ABI2: variants seen among roughly 807,000 people sequenced by gnomAD.
The protein encoded by ABI2 is abelson interactor 2.
In ABI2, 25 loss-of-function variants were observed where a neutral mutation model predicts 59.2. The ratio of observed to expected loss-of-function variants is 0.42; its 90% confidence interval spans 0.31 to 0.59. The LOEUF (loss-of-function observed/expected upper bound fraction) is 0.59, where lower values mean the gene tolerates loss of function less well. Among genes scored for constraint, ABI2 ranks in the 20% least tolerant of loss-of-function variants. The probability of loss-of-function intolerance (pLI) is 0.14; values close to 1 mark genes in which losing one functional copy is unlikely to be tolerated. For synonymous variants in ABI2, 213 were observed against 235.5 expected (o/e 0.90, Z 0.87); for missense variants, 545 against 681.8 (o/e 0.80, Z 2.23).
chr2:203,329,573 T>A (rs1275920564), intron 1 of ABI2, among the ~76,000 whole-genome samples: 4 of 152,012 alleles, frequency 2.6e-5, no homozygotes, highest in South Asian at 2.1e-4. Context: ...CTTTTTTTTT[T>A]ATGGTTATTT....
intron 1 of ABI2, among the ~76,000 whole-genome samples, chr2:203,345,660 C>T (rs2082948045): frequency 6.6e-6 from 1 of 151,880 alleles, no homozygotes. Context: ...CCACCCACCT[C>T]GGCCTCCCAG....
At chr2:203,421,964 C>CAAAAAAA (rs35435663) in intron 11 of ABI2, among the ~76,000 whole-genome samples, 5 of 102,608 alleles carry the variant, frequency 4.9e-5, no homozygotes, top group African/African-American at 1.6e-4. Flanking sequence ...GACTCTGTCT[C>CAAAAAAA]AAAAAAAAAA....
intron 4 of ABI2, among the ~76,000 whole-genome samples, chr2:203,384,295 T>TGTTTTTTTTTTTTTTTG (rs1559289040): frequency 1.1e-5 from 1 of 87,944 alleles, no homozygotes; most frequent in African/African-American, 3.6e-5. Flanking sequence ...TTTTTGTTTT[T>TGTTTTTTTTTTTTTTTG]TTTTTTTTTT....
chr2:203,412,884 C>T (rs768844600), intron 10 of ABI2, among the ~76,000 whole-genome samples: 2 of 152,162 alleles, frequency 1.3e-5, no homozygotes, highest in African/African-American at 2.4e-5. Flanking sequence ...AATTACAGTA[C>T]GAGAATTGAA....
At chr2:203,395,446 TATACACACAC>T (rs1408209422) in intron 6 of ABI2, among the ~76,000 whole-genome samples, 200 bp from the exon 7 acceptor site, 1 of 85,348 alleles carries the variant, frequency 1.2e-5, no homozygotes, top group African/African-American at 3.7e-5. Flanking sequence ...TATATATATA[TATACACACAC>T]ACACACACAC....
At chr2:203,338,580 C>G (rs2077518038) in intron 1 of ABI2, among the ~76,000 whole-genome samples, 1 of 151,896 alleles carries the variant, frequency 6.6e-6, no homozygotes, top group Non-Finnish European at 1.5e-5. Flanking sequence ...CAGCACTGTG[C>G]TTTGTGTAAA....
At chr2:203,390,643 AAG>A (rs2096709599) in intron 4 of ABI2, among the ~76,000 whole-genome samples, 1 of 152,178 alleles carries the variant, frequency 6.6e-6, no homozygotes, top group African/African-American at 2.4e-5. Flanking sequence ...GAAAAAAAAA[AAG>A]AAAGTTATCT....
intron 10 of ABI2, among the ~76,000 whole-genome samples, chr2:203,412,621 A>T (rs1332278046): frequency 1.3e-5 from 2 of 151,644 alleles, no homozygotes; most frequent in Non-Finnish European, 2.9e-5. Flanking sequence ...AATTAGGTTG[A>T]TTTCATATGT....
chr2:203,427,864 A>T lies in ABI2; in HGVS notation c.*512A>T, dbSNP rs1322674901. 2.0e-5 allele frequency: 3 copies of T among 152,646 alleles called. No homozygotes were observed. 9.5% of individuals were successfully genotyped at this position (152,646 alleles called of 1,614,324 possible). On this transcript the variant is annotated 3_prime_UTR_variant, in exon 12 of 12. Transcript: ENST00000261018. ...ACCACACTTAACCATTTTTACAATT[A>T]TTTCAGATGGCTTTTTTCCTCTGTG...
rs1319126579 is a variant in ABI2, at chr2:203,431,610, T to G, written c.*4258T>G. The G allele has an allele frequency of 6.6e-6, 1 of 151,966 alleles. No homozygotes were observed. The highest frequency in any genetic ancestry group is 1.5e-5 in the Non-Finnish European group (1 of 67,982). The allele number at this position is 151,966 out of a possible 1,614,324, so 9.4% of individuals were successfully genotyped here. ...CTTATTGGAGAGAGCCTTATAAAAG[T>G]GATTAAATGGAGGCATTGAGCTCAT... is the stretch of plus-strand genomic sequence containing the variant. On this transcript the variant is annotated 3_prime_UTR_variant, in exon 12 of 12. Transcript: ENST00000261018.
At chr2:203,404,941 CTGT>C (rs938377885) in intron 9 of ABI2, among the ~76,000 whole-genome samples, 3 of 152,172 alleles carry the variant, frequency 2.0e-5, no homozygotes, top group Non-Finnish European at 4.4e-5. Flanking sequence ...TATTTGAAGG[CTGT>C]TTAAGCACAT....
At chr2:203,415,575 C>G (rs959535503) in intron 10 of ABI2, among the ~76,000 whole-genome samples, 2 of 145,298 alleles carry the variant, frequency 1.4e-5, no homozygotes, top group African/African-American at 5.2e-5. Context: ...CGAGATCACA[C>G]CACTGCACTC....
At chr2:203,362,485 ATATTT>A (rs916040280) in intron 1 of ABI2, among the ~76,000 whole-genome samples, 1 of 151,860 alleles carries the variant, frequency 6.6e-6, no homozygotes, top group Non-Finnish European at 1.5e-5. Context: ...GAGTTTTACT[ATATTT>A]TATTTTGTTT....
At chr2:203,370,261 T>TTTC (rs2095030781) in intron 2 of ABI2, among the ~76,000 whole-genome samples, 1 of 151,274 alleles carries the variant, frequency 6.6e-6, no homozygotes, top group East Asian at 1.9e-4. Context: ...TACTTTTTTT[T>TTTC]TTTTGGTTGG....
chr2:203,376,045 A>G, intron 2 of ABI2: 2 of 1,519,392 alleles, frequency 1.3e-6, no homozygotes, highest in South Asian at 1.2e-5. Context: ...TACTTAAAAT[A>G]TCTATACTTA....
At chr2:203,363,006 T>G (rs890167981) in intron 1 of ABI2, among the ~76,000 whole-genome samples, 10 of 152,090 alleles carry the variant, frequency 6.6e-5, no homozygotes, top group African/African-American at 2.4e-4. Context: ...ATTTTTCGTA[T>G]TTTTAGTAGA....
intron 1 of ABI2, among the ~76,000 whole-genome samples, chr2:203,344,887 A>G (rs901942250): frequency 2.0e-5 from 3 of 152,172 alleles, no homozygotes; most frequent in Non-Finnish European, 4.4e-5. Flanking sequence ...TAAATGCACC[A>G]ATAAGCACTC....
At chr2:203,390,652 A>G (rs2096709976) in intron 4 of ABI2, among the ~76,000 whole-genome samples, 1 of 152,134 alleles carries the variant, frequency 6.6e-6, no homozygotes, top group Admixed American at 6.5e-5. Flanking sequence ...AAAGAAAGTT[A>G]TCTCTAAAAA....
chr2:203,378,004 T>G (rs1238599004), intron 2 of ABI2, among the ~76,000 whole-genome samples: 1 of 152,234 alleles, frequency 6.6e-6, no homozygotes, highest in Non-Finnish European at 1.5e-5. Flanking sequence ...AAGCTTAACT[T>G]TTCTGTTACA....
Sources: gnomAD v4.1 joint callset for allele counts (sites outside exome capture counted in the v4.1 genomes callset) on GRCh38, gnomAD v4.1.1 for gene constraint, MANE v1.5 for transcripts, NCBI Gene and HGNC (gene_info 2026-07-23, HGNC 2026-07-21) for gene names.